S100P: variants seen among roughly 807,000 people sequenced by gnomAD.
S100P encodes protein S100-P.
Under a neutral mutation model 4.7 loss-of-function variants are expected in S100P, and 7 were observed. The ratio of observed to expected loss-of-function variants is 1.48; its 90% CI spans 0.84 to 2.77. The LOEUF is 2.77. Among genes scored for constraint, S100P ranks in the 30% most tolerant of loss-of-function variants. S100P has a pLI of 0.00. For synonymous variants in S100P, 48 were observed against 49.0 expected, an observed-to-expected ratio of 0.98 and a Z score of 0.08; for missense variants, 122 against 120.6, an observed-to-expected ratio of 1.01 and a Z score of -0.06.
At chr4:6,694,880 A>G (rs546596912) in intron 1 of S100P, among the ~76,000 whole-genome samples, 3 of 152,292 alleles carry the variant, frequency 2.0e-5, no homozygotes, top group African/African-American at 7.2e-5. Context: ...GCTGATAATC[A>G]AAAATGAAAG....
In S100P at chr4:6,696,913, C is replaced by T. The variant is rs373388076; in HGVS notation, c.159C>T (p.Ala53=). The part of the protein sequence containing the change: ...GFLQSGKDKD[A]VDKLLKDLDA... ...TCTAGAGTGGAAAAGACAAGGATGCCGTGGATAAATTGCTCAAGGACCTGG... is the reference window on the plus strand; with the variant it reads ...TCTAGAGTGGAAAAGACAAGGATGCTGTGGATAAATTGCTCAAGGACCTGG... Residue 53 remains alanine (A), a synonymous_variant, in exon 2 of 2, where the codon GCC becomes GCT. Coordinates refer to ENST00000296370, the MANE Select transcript of S100P (RefSeq NM_005980.3). 2.1e-5 allele frequency: 34 copies of T among 1,613,758 alleles called. No individual in the cohort carries two copies. The highest frequency in any genetic ancestry group is 2.6e-5 in the Non-Finnish European group (31 of 1,179,852).
chr4:6,694,161 G>C, intron 1 of S100P, 91 bp downstream of exon 1: 3 of 1,262,370 alleles, frequency 2.4e-6, no homozygotes, highest in Non-Finnish European at 3.2e-6. Context: ...CGGTGGGGTC[G>C]GCGGTCAAGG....
At chr4:6,694,187 G>A (rs2108794424) in intron 1 of S100P, 117 bp downstream of exon 1, 1 of 993,250 alleles carries the variant, frequency 1.0e-6, no homozygotes, top group Non-Finnish European at 1.4e-6. Flanking sequence ...AGAGGCAAGA[G>A]GGACAGATCC....
At chr4:6,696,020 G>GC (rs1714365256) in intron 1 of S100P, among the ~76,000 whole-genome samples, 1 of 152,208 alleles carries the variant, frequency 6.6e-6, no homozygotes, top group African/African-American at 2.4e-5. Context: ...TGCAAACCAT[G>GC]CTGTCACTAA....
intron 1 of S100P, among the ~76,000 whole-genome samples, 153 bp downstream of exon 1, chr4:6,694,223 G>C (rs949378610): frequency 6.6e-6 from 1 of 152,212 alleles, no homozygotes; most frequent in Non-Finnish European, 1.5e-5. Context: ...GCCCAGCCAA[G>C]GAACGGACCC....
chr4:6,694,598 G>C (rs1041608245), intron 1 of S100P, among the ~76,000 whole-genome samples: 37 of 152,146 alleles, frequency 2.4e-4, no homozygotes, highest in African/African-American at 8.9e-4. Flanking sequence ...ACCTGTCTGC[G>C]CAGAGCTGTG....
At position 6,696,874 on chromosome 4, in the gene S100P, G is replaced by C. The variant is rs752879185; in HGVS notation, c.139-19G>C. 9 of 1,607,090 alleles carry C rather than the reference G, an allele frequency of 5.6e-6. No homozygotes were observed. The highest frequency in any genetic ancestry group is 6.8e-6 in the Non-Finnish European group (8 of 1,175,894). On this transcript the variant is annotated intron_variant, in intron 1 of 1. Coordinates refer to ENST00000296370, the MANE Select transcript of S100P (RefSeq NM_005980.3). ...CACAGGCACCCTCACTGCTGACCTT[G>C]AGCCTCTCTCTCCTCTAGAGTGGAA... is the stretch of plus-strand genomic sequence containing the variant.
At position 6,696,979 on chromosome 4, in the gene S100P, A is replaced by C. The variant is rs11733989; in HGVS notation, c.225A>C (p.Ile75=). ...GDAQVDFSEF[I]VFVAAITSAC... ...CCCAGGTGGACTTCAGTGAGTTCAT[A>C]GTGTTCGTGGCTGCAATCACGTCTG... Residue 75 remains isoleucine, a synonymous_variant, in exon 2 of 2, where the codon ATA becomes ATC. Coordinates refer to ENST00000296370, the MANE Select transcript of S100P (RefSeq NM_005980.3). 1,609,830 of 1,613,908 alleles carry C rather than the reference A, an allele frequency of 1. 802,971 individuals are homozygous for C. The highest frequency in any genetic ancestry group is 1 in the East Asian group (44,870 of 44,870).
chr4:6,694,425 T>TGCCAAGCCC (rs1268220973), intron 1 of S100P, among the ~76,000 whole-genome samples: 2 of 152,196 alleles, frequency 1.3e-5, no homozygotes, highest in Non-Finnish European at 2.9e-5. Context: ...TTGCCAAGCT[T>TGCCAAGCCC]GCCAAGCCCT....
rs1027221710 is a variant in S100P, at chr4:6,697,104, G to A, written c.*62G>A. The A allele has an allele frequency of 7.0e-7, 1 of 1,424,990 alleles. No homozygotes were observed. Among genetic ancestry groups the A allele is most frequent in the Non-Finnish European group, 9.7e-7 (1 of 1,034,648 alleles). 88.3% of individuals were successfully genotyped at this position (1,424,990 alleles called of 1,614,324 possible). On this transcript the variant is annotated 3_prime_UTR_variant, in exon 2 of 2. Coordinates refer to ENST00000296370, the MANE Select transcript of S100P (RefSeq NM_005980.3). Reference sequence around the variant, plus strand: ...GGTCCCAGGCTTCCCAAAAGTGTTTGTTGGCAATTATTCCCCTAGGCTGAG... The same window carrying A: ...GGTCCCAGGCTTCCCAAAAGTGTTTATTGGCAATTATTCCCCTAGGCTGAG...
intron 1 of S100P, among the ~76,000 whole-genome samples, chr4:6,694,937 C>G (rs370505441): frequency 1.2e-4 from 18 of 151,794 alleles, no homozygotes; most frequent in African/African-American, 4.1e-4. Context: ...TGAAACACTT[C>G]AGAATATTGC....
chr4:6,694,407 T>G (rs1412970878), intron 1 of S100P, among the ~76,000 whole-genome samples: 2 of 152,166 alleles, frequency 1.3e-5, no homozygotes, highest in Non-Finnish European at 2.9e-5. Flanking sequence ...GGGCTGCCAT[T>G]TGCAAGTTTG....
chr4:6,693,970 A>G lies in S100P; in HGVS notation c.38A>G (p.Asp13Gly). The G allele has an allele frequency of 1.2e-6, 2 of 1,614,142 alleles. No individual in the cohort carries two copies. The highest frequency in any genetic ancestry group is 1.7e-6 in the Non-Finnish European group (2 of 1,180,020). ...ELETAMGMII[D>G]VFSRYSGSEG... ...GAGACAGCCATGGGCATGATCATAG[A>G]CGTCTTTTCCCGATATTCGGGCAGC... The change falls in exon 1 of 2, where the codon GAC (aspartate) becomes GGC (glycine). Residue 13 changes from aspartate to glycine, a missense_variant. Transcript: ENST00000296370.
At chr4:6,694,966 TC>T (rs1422625756) in intron 1 of S100P, among the ~76,000 whole-genome samples, 8 of 135,750 alleles carry the variant, frequency 5.9e-5, no homozygotes, top group African/African-American at 2.3e-4. Context: ...TCTTTTCTTT[TC>T]TTTTTTTTTT....
intron 1 of S100P, among the ~76,000 whole-genome samples, chr4:6,695,732 T>G (rs1714357531): frequency 6.6e-6 from 1 of 152,174 alleles, no homozygotes; most frequent in South Asian, 2.1e-4. Flanking sequence ...CTGGGTGCCC[T>G]TCTCAGCCCT....
At position 6,694,030 on chromosome 4, in the gene S100P, T is replaced by C. The variant is rs148427693; in HGVS notation, c.98T>C (p.Leu33Pro). ...ACGCAGACCCTGACCAAGGGGGAGC[T>C]CAAGGTGCTGATGGAGAAGGAGCTA... ...GSTQTLTKGE[L>P]KVLMEKELPG... Residue 33 changes from leucine to proline, a missense_variant, in exon 1 of 2, where the codon CTC becomes CCC. Physicochemically the swap from Leu to Pro is moderately conservative, Grantham distance 98. Coordinates refer to ENST00000296370, the MANE Select transcript of S100P (RefSeq NM_005980.3). The C allele has an allele frequency of 1.9e-6, 3 of 1,613,582 alleles. No homozygotes were observed. The African/African-American group carries it at 4.0e-5, about 22-fold the overall frequency.
intron 1 of S100P, 66 bp from the exon 2 acceptor site, chr4:6,696,827 C>T: frequency 6.6e-7 from 1 of 1,505,420 alleles, no homozygotes; most frequent in African/African-American, 1.4e-5. Flanking sequence ...AGCAGCAGTG[C>T]TTGGTGGAGG....
At chr4:6,695,402 C>T (rs947586047) in intron 1 of S100P, among the ~76,000 whole-genome samples, 4 of 152,222 alleles carry the variant, frequency 2.6e-5, no homozygotes, top group Non-Finnish European at 5.9e-5. Flanking sequence ...CTCTCCCTTC[C>T]AGCCTTTTCC....
In S100P at chr4:6,694,567, G is replaced by A. The variant is rs554410281; in HGVS notation, c.138+497G>A. 1.2e-4 allele frequency among the ~76,000 whole-genome samples: 18 copies of A among 152,264 alleles called. 1 individual carries two copies. The highest frequency in any genetic ancestry group is 5.9e-4 in the Admixed American group (9 of 15,288). ...TATTAGTGGGTCTGGCAGGAAGGAC[G>A]GGAGGAGGCTCCATCCTGGCACCTG... On this transcript the variant is annotated intron_variant, in intron 1 of 1. Transcript: ENST00000296370.
Sources: allele counts gnomAD v4.1 joint callset (sites outside exome capture counted in the v4.1 genomes callset), GRCh38; gene constraint gnomAD v4.1.1; transcripts MANE v1.5; gene names NCBI Gene and HGNC (gene_info 2026-07-23, HGNC 2026-07-21).